STARD6: variants seen among roughly 807,000 people sequenced by gnomAD.
The protein encoded by STARD6 is stAR-related lipid transfer protein 6.
STARD6 carries 21 observed loss-of-function variants against 22.3 expected under a neutral mutation model. The ratio of observed to expected loss-of-function variants is 0.94; its 90% CI spans 0.67 to 1.35. The LOEUF (loss-of-function observed/expected upper bound fraction) is 1.35, where lower values mean the gene tolerates loss of function less well. Among genes scored for constraint, STARD6 ranks in the 40% most tolerant of loss-of-function variants. The pLI is 0.00. For missense variants in STARD6, 269 were observed against 266.9 expected, an observed-to-expected ratio of 1.01 and a Z score of -0.05; for synonymous variants, 80 against 88.1, an observed-to-expected ratio of 0.91 and a Z score of 0.52.
intron 4 of STARD6, among the ~76,000 whole-genome samples, chr18:54,340,448 T>C (rs1366356124): frequency 6.6e-6 from 1 of 152,064 alleles, no homozygotes; most frequent in African/African-American, 2.4e-5. Context: ...GATGATACAC[T>C]TGACAAAACC....
intron 6 of STARD6, 55 bp downstream of exon 6, chr18:54,331,687 C>A: frequency 2.5e-6 from 3 of 1,188,672 alleles, no homozygotes; most frequent in East Asian, 2.4e-5. Flanking sequence ...AAAGGGAAAA[C>A]ATTTATTAAT....
At chr18:54,329,315 T>C in intron 7 of STARD6, 32 bp downstream of exon 7, 1 of 1,498,850 alleles carries the variant, frequency 6.7e-7, no homozygotes, top group Non-Finnish European at 8.9e-7. Context: ...TAAAAAAACC[T>C]GTTAAAATAA....
chr18:54,348,967 C>G (rs564659152), intron 4 of STARD6, among the ~76,000 whole-genome samples: 1 of 152,028 alleles, frequency 6.6e-6, no homozygotes, highest in African/African-American at 2.4e-5. Flanking sequence ...TAACTGAAGT[C>G]CATAAATTCA....
At chr18:54,344,583 T>TAAAAAAAAAAAAAA (rs55736082) in intron 4 of STARD6, among the ~76,000 whole-genome samples, 3 of 94,092 alleles carry the variant, frequency 3.2e-5, no homozygotes, top group African/African-American at 8.7e-5. Context: ...AAAAATAAAT[T>TAAAAAAAAAAAAAA]AAAAAAAAAA....
Position 54,329,338 on chromosome 18 carries a change from A to T in STARD6, c.479+9T>A. The T allele has an allele frequency of 1.9e-6, 3 of 1,562,116 alleles. No homozygotes were observed. Among genetic ancestry groups the T allele is most frequent in the Non-Finnish European group, 2.6e-6 (3 of 1,159,386 alleles). ...CCTGTTAAAATAAATAAGTGCAAAC[A>T]ACACTTACTCTTCCATTGGTGAACA... On this transcript the variant is annotated intron_variant, in intron 7 of 7. Coordinates refer to ENST00000307844, the MANE Select transcript of STARD6 (RefSeq NM_139171.2).
In STARD6 at chr18:54,331,876, C is replaced by T. The variant is rs752642303; in HGVS notation, c.268-17G>A. On this transcript the variant is annotated splice_polypyrimidine_tract_variant and intron_variant, in intron 5 of 7. Transcript: ENST00000307844. ...GAATGTGTCCTGCAACAAATCAAACCGTAAAGATAACAAACGTTACTTAAT... is the reference window on the plus strand; with the variant it reads ...GAATGTGTCCTGCAACAAATCAAACTGTAAAGATAACAAACGTTACTTAAT... The T allele has an allele frequency of 1.1e-5, 17 of 1,519,560 alleles. No individual in the cohort carries two copies. Among genetic ancestry groups the T allele is most frequent in the South Asian group, 5.9e-5 (5 of 85,138 alleles). The allele number at this position is 1,519,560 out of a possible 1,614,324, so 94.1% of individuals were successfully genotyped here.
intron 5 of STARD6, among the ~76,000 whole-genome samples, chr18:54,333,868 G>T (rs2088886991): frequency 3.3e-5 from 5 of 152,110 alleles, no homozygotes; most frequent in Non-Finnish European, 5.9e-5. Context: ...GAGACTTAAA[G>T]AACTAAAGGC....
intron 7 of STARD6, among the ~76,000 whole-genome samples, chr18:54,327,518 A>G (rs1442620204): frequency 6.6e-6 from 1 of 152,180 alleles, no homozygotes; most frequent in Non-Finnish European, 1.5e-5. Flanking sequence ...TTATTTTGAA[A>G]TGAATAATTT....
intron 4 of STARD6, among the ~76,000 whole-genome samples, chr18:54,345,024 C>T (rs1213907108): frequency 6.6e-6 from 1 of 152,060 alleles, no homozygotes; most frequent in East Asian, 1.9e-4. Flanking sequence ...TGCTATTAAA[C>T]ATTGTATTGG....
intron 4 of STARD6, among the ~76,000 whole-genome samples, chr18:54,337,505 G>A (rs1186733962): frequency 6.6e-6 from 1 of 152,150 alleles, no homozygotes; most frequent in African/African-American, 2.4e-5. Flanking sequence ...AGTTTTTGGG[G>A]AGTCAAAACT....
Position 54,354,505 on chromosome 18 carries a change from GCC to G in STARD6, c.67_68del (p.Gly23LeufsTer5). On this transcript the variant is annotated frameshift_variant, in exon 3 of 8. Coordinates refer to ENST00000307844, the MANE Select transcript of STARD6 (RefSeq NM_139171.2). ...TTACTGAAGTTTTAACCACTTTCCA[GCC>G]TGATGTATCTCGATTATAACCTAAA... ...EVLGYNRDTS[G>X]WKVVKTSKKI... is the part of the protein sequence containing the mutation. The G allele has an allele frequency of 6.2e-7, 1 of 1,613,186 alleles. No homozygotes were observed. The highest frequency in any genetic ancestry group is 8.5e-7 in the Non-Finnish European group (1 of 1,179,564).
intron 4 of STARD6, among the ~76,000 whole-genome samples, chr18:54,342,677 G>T (rs1252767113): frequency 9.8e-6 from 1 of 102,558 alleles, no homozygotes; most frequent in African/African-American, 5.2e-5. Flanking sequence ...TGGCCGGACC[G>T]GTCTCCAGCC....
At chr18:54,341,355 G>T (rs903178728) in intron 4 of STARD6, among the ~76,000 whole-genome samples, 1 of 152,078 alleles carries the variant, frequency 6.6e-6, no homozygotes, top group Non-Finnish European at 1.5e-5. Context: ...CACCGTGCCC[G>T]GCCCACGTCA....
intron 4 of STARD6, among the ~76,000 whole-genome samples, chr18:54,352,202 G>C (rs201095304): frequency 1.3e-5 from 2 of 149,496 alleles, no homozygotes; most frequent in Non-Finnish European, 3.0e-5. Flanking sequence ...AGAATTTATC[G>C]ATCTCCTCTA....
At chr18:54,347,629 G>C (rs529906068) in intron 4 of STARD6, among the ~76,000 whole-genome samples, 24 of 152,130 alleles carry the variant, frequency 1.6e-4, no homozygotes, top group African/African-American at 5.3e-4. Flanking sequence ...AATAATATCT[G>C]AATTATTTTT....
rs1473374035 is a variant in STARD6, at chr18:54,343,350, A to G, written c.141-6099T>C. ...TGAGGAGCATCTCCGCCCGGCAGCC[A>G]CCCCGTCCGGGAGGGAGGTGGGGGG... On this transcript the variant is annotated intron_variant, in intron 4 of 7. Transcript: ENST00000307844. Among the ~76,000 whole-genome samples the G allele has an allele frequency of 3.8e-4, 52 of 136,322 alleles. No homozygotes were observed. In the Middle Eastern group the frequency reaches 0.015, roughly 39 times the overall value. The allele number at this position is 136,322 out of a possible 152,430, so 89.4% of individuals were successfully genotyped here.
chr18:54,328,273 A>G (rs1042448225), intron 7 of STARD6, among the ~76,000 whole-genome samples: 1 of 152,252 alleles, frequency 6.6e-6, no homozygotes, highest in Non-Finnish European at 1.5e-5. Flanking sequence ...AAGCCTTTCT[A>G]ATATTTACTG....
chr18:54,348,319 G>A (rs1404503950), intron 4 of STARD6, among the ~76,000 whole-genome samples: 3 of 152,158 alleles, frequency 2.0e-5, no homozygotes, highest in Non-Finnish European at 4.4e-5. Flanking sequence ...GTAATAAGTA[G>A]TAACGACAAT....
At chr18:54,334,384 T>C (rs543236301) in intron 5 of STARD6, among the ~76,000 whole-genome samples, 16 of 152,272 alleles carry the variant, frequency 1.1e-4, no homozygotes, top group African/African-American at 3.1e-4. Context: ...ATCAAATCAG[T>C]CACTTCCCTG....
Sources: allele counts gnomAD v4.1 joint callset (sites outside exome capture counted in the v4.1 genomes callset), GRCh38; gene constraint gnomAD v4.1.1; transcripts MANE v1.5; gene names NCBI Gene and HGNC (gene_info 2026-07-23, HGNC 2026-07-21).